PKIB: variants seen among roughly 807,000 people sequenced by gnomAD.
PKIB encodes cAMP-dependent protein kinase inhibitor beta.
PKIB carries 2 observed loss-of-function variants against 4.5 expected under a neutral mutation model. The observed-to-expected ratio is 0.44, with a 90% CI of 0.18 to 1.39. The LOEUF (loss-of-function observed/expected upper bound fraction) is 1.39. PKIB is among the 40% of genes most tolerant of loss of function. PKIB has a pLI of 0.27. For missense variants in PKIB, 94 were observed against 92.6 expected, an observed-to-expected ratio of 1.02 and a Z score of -0.06; for synonymous variants, 38 against 36.0, an observed-to-expected ratio of 1.06 and a Z score of -0.20.
rs1775852648 is a variant in PKIB, at chr6:122,634,877, G to A, written c.-76+1510G>A. ...GAATGGTGTGAACCCGGGAGGCGGA[G>A]CTTGCAGTGAGCCGAGATCACACCA... is the stretch of plus-strand genomic sequence containing the variant. On this transcript the variant is annotated intron_variant, in intron 2 of 4. Transcript: ENST00000368452. Among the ~76,000 whole-genome samples, 3 of 151,008 alleles carry A rather than the reference G, an allele frequency of 2.0e-5. No individual in the cohort carries two copies. In the South Asian group the frequency reaches 6.3e-4, roughly 32 times the overall value.
In PKIB at chr6:122,489,143, A is replaced by C. The variant is rs571590896; in HGVS notation, c.-248+11204A>C. Among the ~76,000 whole-genome samples the C allele has an allele frequency of 1.4e-4, 22 of 152,230 alleles. 1 individual carries two copies. The highest frequency in any genetic ancestry group is 5.3e-4 in the African/African-American group (22 of 41,536). On this transcript the variant is annotated intron_variant, in intron 2 of 6. Transcript: ENST00000392491. The stretch of plus-strand genomic sequence containing the variant: ...GTTTCTACTTGTGTTAGCTGCCTCA[A>C]AGGACAGGAAGTAAAAAGAATTAAT...
intron 1 of PKIB, among the ~76,000 whole-genome samples, chr6:122,618,623 A>G (rs909598163): frequency 1.3e-5 from 2 of 152,088 alleles, no homozygotes; most frequent in Non-Finnish European, 2.9e-5. Flanking sequence ...AAGACAAAAA[A>G]TTATCATATC....
At chr6:122,547,260 G>A (rs985754433) in intron 2 of PKIB, among the ~76,000 whole-genome samples, 1 of 151,706 alleles carries the variant, frequency 6.6e-6, no homozygotes, top group African/African-American at 2.4e-5. Flanking sequence ...GTGGGAGATA[G>A]CTGAAAGAAT....
chr6:122,710,327 GC>G, intron 3 of PKIB, among the ~76,000 whole-genome samples: 1 of 152,230 alleles, frequency 6.6e-6, no homozygotes, highest in South Asian at 2.1e-4. Context: ...AACACAGACG[GC>G]CGTGTTCCCT....
At chr6:122,678,097 A>AC in intron 3 of PKIB, among the ~76,000 whole-genome samples, 1 of 151,932 alleles carries the variant, frequency 6.6e-6, no homozygotes, top group East Asian at 1.9e-4. Context: ...ACGGGGTTTC[A>AC]CCGTGTTAGC....
At chr6:122,713,703 T>A (rs1779361778) in intron 3 of PKIB, among the ~76,000 whole-genome samples, 1 of 152,218 alleles carries the variant, frequency 6.6e-6, no homozygotes, top group Admixed American at 6.6e-5. Flanking sequence ...TGTTTATTTA[T>A]AATTTTTCCA....
At chr6:122,636,716 T>C (rs1251871269) in intron 2 of PKIB, among the ~76,000 whole-genome samples, 1 of 152,100 alleles carries the variant, frequency 6.6e-6, no homozygotes, top group Non-Finnish European at 1.5e-5. Context: ...AAAATGATTA[T>C]TAAAATTCAT....
chr6:122,580,221 C>T (rs1030708551), intron 2 of PKIB, among the ~76,000 whole-genome samples: 1 of 152,056 alleles, frequency 6.6e-6, no homozygotes, highest in Non-Finnish European at 1.5e-5. Flanking sequence ...CTTCTTTAGG[C>T]AGAAATGTTT....
chr6:122,687,190 T>A (rs1465676936), intron 3 of PKIB, among the ~76,000 whole-genome samples: 1 of 152,226 alleles, frequency 6.6e-6, no homozygotes, highest in Non-Finnish European at 1.5e-5. Context: ...CATATGGATA[T>A]CCAGTTTTCC....
intron 2 of PKIB, among the ~76,000 whole-genome samples, chr6:122,511,041 GTTAGTAC>G (rs1776570295): frequency 6.6e-6 from 1 of 152,092 alleles, no homozygotes; most frequent in South Asian, 2.1e-4. Flanking sequence ...TCTCCTTTTT[GTTAGTAC>G]TTAGTAGACG....
chr6:122,659,465 G>T (rs889315467), intron 2 of PKIB, among the ~76,000 whole-genome samples: 18 of 151,998 alleles, frequency 1.2e-4, no homozygotes, highest in African/African-American at 4.3e-4. Context: ...AAGACCATTT[G>T]GTTCTTATAT....
intron 2 of PKIB, among the ~76,000 whole-genome samples, chr6:122,544,474 C>T (rs1772421291): frequency 6.6e-6 from 1 of 151,978 alleles, no homozygotes; most frequent in African/African-American, 2.4e-5. Context: ...TCCCAAATAG[C>T]CAGTGTCTGA....
intron 2 of PKIB, among the ~76,000 whole-genome samples, chr6:122,542,457 CTGTT>C (rs1467471744): frequency 1.3e-5 from 2 of 152,124 alleles, no homozygotes; most frequent in African/African-American, 2.4e-5. Flanking sequence ...ACTCCAGACT[CTGTT>C]TGCCTGGGTA....
intron 2 of PKIB, among the ~76,000 whole-genome samples, chr6:122,560,128 G>A: frequency 6.6e-6 from 1 of 152,150 alleles, no homozygotes; most frequent in South Asian, 2.1e-4. Context: ...CCAGTTCTCA[G>A]AGAGAATGCT....
At chr6:122,687,749 T>C (rs1467239853) in intron 3 of PKIB, among the ~76,000 whole-genome samples, 1 of 152,190 alleles carries the variant, frequency 6.6e-6, no homozygotes, top group African/African-American at 2.4e-5. Context: ...TTGATTTCTT[T>C]TTCAGATTAT....
At chr6:122,474,112 G>A (rs569721344) in intron 1 of PKIB, among the ~76,000 whole-genome samples, 431 of 152,330 alleles carry the variant, frequency 2.8e-3, no homozygotes, top group African/African-American at 9.9e-3. Flanking sequence ...CGGCCTAGGT[G>A]ATAAGAGCAA....
chr6:122,562,000 T>TC (rs1218652077), intron 2 of PKIB, among the ~76,000 whole-genome samples: 1 of 131,732 alleles, frequency 7.6e-6, no homozygotes, highest in East Asian at 2.2e-4. Context: ...TTTTGTTTTT[T>TC]TTTGTTTTTT....
Position 122,498,370 on chromosome 6 carries a change from A to G in PKIB, c.-248+20431A>G, listed in dbSNP as rs978657286. 3.9e-5 allele frequency among the ~76,000 whole-genome samples: 6 copies of G among 152,286 alleles called. No homozygotes were observed. The South Asian group carries it at 8.3e-4, about 21-fold the overall frequency. On this transcript the variant is annotated intron_variant, in intron 2 of 6. Coordinates refer to the PKIB transcript ENST00000392491. ...AGTGCAGGAAAGACCTGCCCCCATA[A>G]TTCAATCACCACTCACCAGGTTCCT...
chr6:122,599,044 A>G (rs1230116229), intron 3 of PKIB, among the ~76,000 whole-genome samples: 2 of 152,138 alleles, frequency 1.3e-5, no homozygotes, highest in African/African-American at 4.8e-5. Flanking sequence ...CCTCACCTCT[A>G]GGGTCCACTG....
Sources: allele counts gnomAD v4.1 joint callset (sites outside exome capture counted in the v4.1 genomes callset), GRCh38; gene constraint gnomAD v4.1.1; transcripts MANE v1.5; gene names NCBI Gene and HGNC (gene_info 2026-07-23, HGNC 2026-07-21).